MED27: variants seen among roughly 807,000 people sequenced by gnomAD.
The protein encoded by MED27 is mediator complex subunit 27.
In MED27, 30 loss-of-function variants were observed where a neutral mutation model predicts 38.2. The ratio of observed to expected loss-of-function variants is 0.79; its 90% CI spans 0.59 to 1.07. The LOEUF (loss-of-function observed/expected upper bound fraction) is 1.07. Among genes scored for constraint, MED27 ranks in the 50% least tolerant of loss-of-function variants. The pLI is 0.00. For synonymous variants in MED27, 122 were observed against 153.5 expected, an observed-to-expected ratio of 0.79 and a Z score of 1.52; for missense variants, 289 against 397.5, an observed-to-expected ratio of 0.73 and a Z score of 2.32.
At chr9:132,018,276 T>C (rs1450618919) in intron 2 of MED27, among the ~76,000 whole-genome samples, 1 of 152,240 alleles carries the variant, frequency 6.6e-6, no homozygotes, top group Non-Finnish European at 1.5e-5. Flanking sequence ...AGAATCCTCT[T>C]TTAAAGAGTC....
intron 6 of MED27, among the ~76,000 whole-genome samples, chr9:131,876,095 G>A (rs943970352): frequency 2.0e-5 from 3 of 152,232 alleles, no homozygotes; most frequent in African/African-American, 7.2e-5. Context: ...ATGGGTGGGG[G>A]CCGTCCTGCC....
intron 2 of MED27, among the ~76,000 whole-genome samples, chr9:132,022,249 AG>A (rs1042722800): frequency 9.2e-5 from 14 of 152,292 alleles, no homozygotes; most frequent in African/African-American, 3.4e-4. Context: ...TCACCAGCTA[AG>A]GTTGAACCAC....
chr9:131,966,199 TAAA>T (rs201789144), intron 3 of MED27, among the ~76,000 whole-genome samples: 1 of 96,382 alleles, frequency 1.0e-5, no homozygotes, highest in Non-Finnish European at 2.0e-5. Context: ...CCTGTTTCTT[TAAA>T]AAAAAAAAAA....
At chr9:132,044,102 A>C (rs771598894) in intron 2 of MED27, among the ~76,000 whole-genome samples, 2 of 152,210 alleles carry the variant, frequency 1.3e-5, no homozygotes, top group Non-Finnish European at 2.9e-5. Context: ...AAGAGAAAAA[A>C]AGTCACAGAG....
intron 4 of MED27, among the ~76,000 whole-genome samples, chr9:131,927,410 A>G (rs1423765737): frequency 6.6e-6 from 1 of 152,278 alleles, no homozygotes; most frequent in Non-Finnish European, 1.5e-5. Context: ...TTCTCCCCTG[A>G]GTAGCCAAAG....
At chr9:132,071,529 C>A (rs116216879) in intron 2 of MED27, among the ~76,000 whole-genome samples, 1 of 151,192 alleles carries the variant, frequency 6.6e-6, no homozygotes, top group Non-Finnish European at 1.5e-5. Context: ...CACACACATG[C>A]GAGTAACACA....
chr9:131,862,583 C>T lies in MED27; in HGVS notation c.801+480G>A, dbSNP rs923665557. On this transcript the variant is annotated intron_variant, in intron 7 of 7. Transcript: ENST00000292035. The surrounding 1 kb of genome is among the most constrained non-coding windows in gnomAD (Gnocchi z 4.6). Reference sequence around the variant, plus strand: ...ACTAGTAGTGGTTGAAGAACCAGCTCGCAAGATACTGAACAGGCACTGGCA... The same window carrying T: ...ACTAGTAGTGGTTGAAGAACCAGCTTGCAAGATACTGAACAGGCACTGGCA... Among the ~76,000 whole-genome samples, 1 of 152,138 alleles carries T rather than the reference C, an allele frequency of 6.6e-6. No homozygotes were observed. The highest frequency in any genetic ancestry group is 1.5e-5 in the Non-Finnish European group (1 of 68,028).
At chr9:131,879,922 C>T (rs1589179496) in intron 6 of MED27, among the ~76,000 whole-genome samples, 1 of 152,238 alleles carries the variant, frequency 6.6e-6, no homozygotes, top group Non-Finnish European at 1.5e-5. Context: ...GAAACGTTGC[C>T]ACCGAATCCT....
intron 3 of MED27, among the ~76,000 whole-genome samples, chr9:131,986,999 A>AT (rs66519112): frequency 0.44 from 20,446 of 46,170 alleles, 7,348 homozygotes; most frequent in Non-Finnish European, 0.52. Context: ...GAGTTCATGG[A>AT]TTTTTTTTTT....
chr9:132,066,782 G>A (rs1374680738), intron 2 of MED27, among the ~76,000 whole-genome samples: 1 of 152,222 alleles, frequency 6.6e-6, no homozygotes, highest in Non-Finnish European at 1.5e-5. Context: ...CAGAAGTCCT[G>A]AGCCAGCGCA....
chr9:132,008,483 C>A (rs1052061478), intron 3 of MED27, among the ~76,000 whole-genome samples: 1 of 152,202 alleles, frequency 6.6e-6, no homozygotes, highest in Admixed American at 6.5e-5. Context: ...GCCCTCTGAA[C>A]GCTAACAAGT....
intron 4 of MED27, among the ~76,000 whole-genome samples, chr9:131,899,680 G>A (rs1024266458): frequency 1.3e-5 from 2 of 152,196 alleles, no homozygotes; most frequent in Non-Finnish European, 2.9e-5. Flanking sequence ...GAAGGGTAAC[G>A]TAACAGGAGC....
At chr9:131,882,598 T>A (rs943913567) in intron 6 of MED27, among the ~76,000 whole-genome samples, 2 of 152,218 alleles carry the variant, frequency 1.3e-5, no homozygotes, top group African/African-American at 4.8e-5. Flanking sequence ...GGTTTCTCAC[T>A]GAATTAAGGA....
chr9:131,932,029 G>T (rs1200482318), intron 4 of MED27, among the ~76,000 whole-genome samples: 1 of 151,966 alleles, frequency 6.6e-6, no homozygotes, highest in African/African-American at 2.4e-5. Context: ...TTCATCCAAT[G>T]ACTGCAGAAC....
intron 2 of MED27, among the ~76,000 whole-genome samples, chr9:132,044,728 G>C (rs145053498): frequency 6.6e-6 from 1 of 152,270 alleles, no homozygotes; most frequent in East Asian, 1.9e-4. Context: ...GCCATGGCTG[G>C]AAAATTCCCT....
chr9:131,980,222 G>A (rs1170395971), intron 3 of MED27, among the ~76,000 whole-genome samples: 3 of 151,694 alleles, frequency 2.0e-5, no homozygotes, highest in Non-Finnish European at 2.9e-5. Flanking sequence ...GGGGGGAGAG[G>A]GAGGAAAGTG....
At chr9:131,927,201 A>C (rs1218350791) in intron 4 of MED27, among the ~76,000 whole-genome samples, 1 of 152,234 alleles carries the variant, frequency 6.6e-6, no homozygotes, top group Non-Finnish European at 1.5e-5. Context: ...CACAATACCA[A>C]AACAGCCCCG....
intron 3 of MED27, among the ~76,000 whole-genome samples, chr9:132,011,492 T>C (rs972278617): frequency 7.2e-5 from 11 of 152,096 alleles, no homozygotes; most frequent in Admixed American, 2.0e-4. Flanking sequence ...GAGTGGCACA[T>C]AGTAGGTGCT....
In MED27 at chr9:131,913,858, G is replaced by C. The variant is rs563658516; in HGVS notation, c.574-19866C>G. Among the ~76,000 whole-genome samples the C allele has an allele frequency of 6.6e-6, 1 of 152,164 alleles. No homozygotes were observed. The highest frequency in any genetic ancestry group is 2.4e-5 in the African/African-American group (1 of 41,430). ...CTGAGCCACTGGCGTGGTACCAAAC[G>C]CAGGACAGCACTCTGCCAGTCTTTG... is the stretch of plus-strand genomic sequence containing the variant. On this transcript the variant is annotated intron_variant, in intron 4 of 7. Transcript: ENST00000292035. The surrounding 1 kb of genome is among the most constrained non-coding windows in gnomAD (Gnocchi z 4.5).
Sources: allele counts gnomAD v4.1 joint callset (sites outside exome capture counted in the v4.1 genomes callset), GRCh38; gene constraint gnomAD v4.1.1; non-coding constraint Gnocchi (gnomAD v3.1); transcripts MANE v1.5; gene names NCBI Gene and HGNC (gene_info 2026-07-23, HGNC 2026-07-21).